The following GULP1 variants were observed in gnomAD, a reference collection of about 807,000 sequenced individuals.
GULP1 encodes the protein GULP PTB domain containing engulfment adaptor 1.
In GULP1, 19 loss-of-function variants were observed where a neutral mutation model predicts 40.9. The observed-to-expected ratio is 0.46, with a 90% CI of 0.32 to 0.68. The LOEUF (loss-of-function observed/expected upper bound fraction) is 0.68, where lower values mean the gene tolerates loss of function less well. Among genes scored for constraint, GULP1 ranks in the 30% least tolerant of loss-of-function variants. The probability of loss-of-function intolerance (pLI) is 0.03; values close to 1 mark genes in which losing one functional copy is unlikely to be tolerated. For synonymous variants in GULP1, 119 were observed against 117.6 expected, an observed-to-expected ratio of 1.01 and a Z score of -0.08; for missense variants, 312 against 362.2, an observed-to-expected ratio of 0.86 and a Z score of 1.12.
At chr2:188,399,133 T>G (rs1489699531) in intron 2 of GULP1, among the ~76,000 whole-genome samples, 1 of 152,178 alleles carries the variant, frequency 6.6e-6, no homozygotes, top group Non-Finnish European at 1.5e-5. Context: ...CAGAAACTAG[T>G]TCTGTCTGTT....
intron 4 of GULP1, among the ~76,000 whole-genome samples, chr2:188,496,070 C>T (rs1025165787): frequency 6.6e-6 from 1 of 152,102 alleles, no homozygotes; most frequent in Non-Finnish European, 1.5e-5. Flanking sequence ...GACAGAATTA[C>T]CCACTAATGA....
Position 188,477,737 on chromosome 2 carries a change from G to A in GULP1, c.28+7G>A. The A allele has an allele frequency of 6.3e-6, 10 of 1,595,810 alleles. 1 individual carries two copies. The highest frequency in any genetic ancestry group is 7.7e-6 in the Non-Finnish European group (9 of 1,170,938). ...GCTTTTAGCAGGAAGAAAGGTAAGTGTGGTCATTTTTTAAAACTTGGGAGT... is the reference window on the plus strand; with the variant it reads ...GCTTTTAGCAGGAAGAAAGGTAAGTATGGTCATTTTTTAAAACTTGGGAGT... On this transcript the variant is annotated splice_region_variant and intron_variant, in intron 3 of 11. Coordinates refer to ENST00000409830, the MANE Select transcript of GULP1 (RefSeq NM_016315.4).
At chr2:188,483,160 G>A (rs1217123325) in intron 3 of GULP1, among the ~76,000 whole-genome samples, 1 of 151,986 alleles carries the variant, frequency 6.6e-6, no homozygotes, top group Non-Finnish European at 1.5e-5. Flanking sequence ...GCCCACTGAT[G>A]TGGTTTTTAT....
chr2:188,426,867 A>C (rs891939970), intron 2 of GULP1, among the ~76,000 whole-genome samples: 3 of 152,344 alleles, frequency 2.0e-5, no homozygotes, highest in African/African-American at 7.2e-5. Flanking sequence ...GAAGACAGAA[A>C]GATGAGGGAA....
chr2:188,576,826 G>A (rs1286678917), intron 9 of GULP1, among the ~76,000 whole-genome samples: 1 of 152,034 alleles, frequency 6.6e-6, no homozygotes, highest in African/African-American at 2.4e-5. Flanking sequence ...TCAGTGGTTT[G>A]GCAATAGATT....
At chr2:188,319,778 A>G (rs1377223749) in intron 1 of GULP1, among the ~76,000 whole-genome samples, 3 of 152,154 alleles carry the variant, frequency 2.0e-5, no homozygotes, top group Non-Finnish European at 4.4e-5. Context: ...TACTTATTAC[A>G]AAACTTTAGA....
chr2:188,318,663 A>G (rs2039502896), intron 1 of GULP1, among the ~76,000 whole-genome samples: 1 of 152,270 alleles, frequency 6.6e-6, no homozygotes, highest in South Asian at 2.1e-4. Flanking sequence ...TTAACTCCCA[A>G]GTTACCACTG....
chr2:188,577,533 A>G (rs1700393950), intron 9 of GULP1, among the ~76,000 whole-genome samples: 1 of 152,118 alleles, frequency 6.6e-6, no homozygotes, highest in Admixed American at 6.5e-5. Context: ...GATAATTCTA[A>G]AAGCATAAAC....
intron 2 of GULP1, among the ~76,000 whole-genome samples, chr2:188,397,682 A>G (rs2051481087): frequency 6.6e-6 from 1 of 152,194 alleles, no homozygotes; most frequent in Non-Finnish European, 1.5e-5. Context: ...CTTAGCTGGT[A>G]CCTCTGGCTC....
At chr2:188,325,843 A>G (rs975049966) in intron 1 of GULP1, among the ~76,000 whole-genome samples, 1 of 152,152 alleles carries the variant, frequency 6.6e-6, no homozygotes, top group Non-Finnish European at 1.5e-5. Flanking sequence ...ATGAGCATAA[A>G]TGTTTATCAG....
At chr2:188,501,852 A>G (rs539270171) in intron 4 of GULP1, among the ~76,000 whole-genome samples, 7 of 152,018 alleles carry the variant, frequency 4.6e-5, no homozygotes, top group Admixed American at 4.6e-4. Context: ...ACAGAAAAGA[A>G]TAAGTGTCCT....
chr2:188,551,721 T>G (rs1693492066), intron 7 of GULP1, among the ~76,000 whole-genome samples: 1 of 151,794 alleles, frequency 6.6e-6, no homozygotes, highest in African/African-American at 2.4e-5. Flanking sequence ...ATGATAAGTA[T>G]ATTTGCAGGT....
chr2:188,302,558 A>T (rs2036313886), intron 1 of GULP1, among the ~76,000 whole-genome samples: 3 of 152,308 alleles, frequency 2.0e-5, no homozygotes, highest in Middle Eastern at 3.4e-3. Flanking sequence ...GTAAAATTTT[A>T]AAAAATGGTA....
chr2:188,391,934 C>A (rs998192522), intron 2 of GULP1, among the ~76,000 whole-genome samples: 2 of 151,926 alleles, frequency 1.3e-5, no homozygotes, highest in African/African-American at 4.8e-5. Flanking sequence ...GTATGTTAAA[C>A]CATTCCTGCT....
At chr2:188,584,963 T>TAAA (rs760195223) in intron 10 of GULP1, among the ~76,000 whole-genome samples, 9 of 152,150 alleles carry the variant, frequency 5.9e-5, no homozygotes, top group Admixed American at 1.3e-4. Context: ...AAAACACCTA[T>TAAA]AAGCCTGTAA....
At chr2:188,480,249 T>C (rs1284948610) in intron 3 of GULP1, among the ~76,000 whole-genome samples, 12 of 152,052 alleles carry the variant, frequency 7.9e-5, no homozygotes, top group Admixed American at 7.9e-4. Context: ...AGAGAATATT[T>C]TATTTAAGTC....
At chr2:188,297,976 A>G (rs947191291) in intron 1 of GULP1, among the ~76,000 whole-genome samples, 12 of 152,138 alleles carry the variant, frequency 7.9e-5, no homozygotes, top group African/African-American at 2.9e-4. Context: ...GTAAAATTTT[A>G]ATAGCAAATA....
intron 2 of GULP1, among the ~76,000 whole-genome samples, chr2:188,434,452 TA>T (rs958751305): frequency 3.3e-5 from 5 of 151,902 alleles, no homozygotes; most frequent in Admixed American, 3.3e-4. Context: ...GAATTTAAAG[TA>T]TTTTTTTAAT....
rs985748241 is a variant in GULP1 at position 188,595,584 on chromosome 2, G to A, written c.*1573G>A. 6.6e-6 allele frequency: 1 copy of A among 152,062 alleles called. No individual in the cohort carries two copies. The highest frequency in any genetic ancestry group is 1.5e-5 in the Non-Finnish European group (1 of 67,704). 9.4% of individuals were successfully genotyped at this position (152,062 alleles called of 1,614,324 possible). On this transcript the variant is annotated 3_prime_UTR_variant, in exon 12 of 12. Coordinates refer to ENST00000409830, the MANE Select transcript of GULP1 (RefSeq NM_016315.4). ...ATTTTGGAATTTGTATAATAAGGAT[G>A]TTTAGAAGCCATATAAGTGGCTTTT...
Sources: allele counts gnomAD v4.1 joint callset (sites outside exome capture counted in the v4.1 genomes callset), GRCh38; gene constraint gnomAD v4.1.1; transcripts MANE v1.5; gene names NCBI Gene and HGNC (gene_info 2026-07-23, HGNC 2026-07-21).